The following LY6D variants were observed in gnomAD, a reference collection of about 807,000 sequenced individuals.
LY6D encodes lymphocyte antigen 6 family member D, also known as lymphocyte antigen 6D.
A neutral mutation model predicts 5.6 loss-of-function variants in LY6D; 7 were observed. The ratio of observed to expected loss-of-function variants is 1.24; its 90% CI spans 0.71 to 2.34. The LOEUF is 2.34. Ranked by LOEUF, LY6D falls within the 30% of genes most tolerant of loss-of-function variation. The pLI, the probability that LY6D is intolerant of heterozygous loss-of-function variation, is 0.00. For synonymous variants in LY6D, 81 were observed against 75.0 expected, an observed-to-expected ratio of 1.08 and a Z score of -0.41; for missense variants, 148 against 164.8, an observed-to-expected ratio of 0.90 and a Z score of 0.56.
At chr8:142,786,005 G>C in intron 1 of LY6D, 2 of 1,274,356 alleles carry the variant, frequency 1.6e-6, no homozygotes, top group Non-Finnish European at 2.0e-6. Context: ...CCCCACCCCA[G>C]GGGATGTCCC....
At position 142,785,303 on chromosome 8, in the gene LY6D, G is replaced by T; in HGVS notation, c.305C>A (p.Thr102Asn). ...GGCACTGTGGGCGAGGGCGGTGCGG[G>T]TGGGTGCAGCGTTGTGCAGCTTCTC... ...CNEKLHNAAP[T>N]RTALAHSALS... is the part of the protein sequence containing the mutation. The change falls in exon 3 of 3, where the codon ACC (threonine) becomes AAC (asparagine). Residue 102 changes from threonine to asparagine, a missense_variant. Physicochemically the swap from Thr to Asn is moderately conservative, Grantham distance 65. Transcript: ENST00000301263. 1.2e-6 allele frequency: 2 copies of T among 1,613,656 alleles called. No homozygotes were observed. Among genetic ancestry groups the T allele is most frequent in the Admixed American group, 3.3e-5 (2 of 59,998 alleles).
intron 1 of LY6D, chr8:142,786,079 G>A: frequency 2.5e-6 from 3 of 1,193,364 alleles, no homozygotes; most frequent in Non-Finnish European, 1.0e-6. Context: ...AGCCAGCTTG[G>A]CTGCTCTGAG....
At chr8:142,785,531 C>T in intron 2 of LY6D, 58 bp downstream of exon 2, 4 of 1,603,040 alleles carry the variant, frequency 2.5e-6, no homozygotes, top group Non-Finnish European at 3.4e-6. Flanking sequence ...CCAGCCAACA[C>T]CCACAACAGC....
chr8:142,786,411 G>A, intron 1 of LY6D, 54 bp downstream of exon 1: 1 of 1,512,076 alleles, frequency 6.6e-7, no homozygotes, highest in Non-Finnish European at 8.9e-7. Context: ...AGTATTTGGT[G>A]ACCACACAGG....
Position 142,785,244 on chromosome 8 carries a change from C to T in LY6D, c.364G>A (p.Val122Ile), listed in dbSNP as rs201744193. ...GGTCACAGGCTGGGGGCTAAGATGA[C>T]GGCCAGGAGGCTCAGGGCCAGCCCC... Reference protein sequence around the residue: ...SLGLALSLLAVILAPSL With the variant: ...SLGLALSLLAIILAPSL Residue 122 changes from valine (V) to isoleucine (I), a missense_variant, in exon 3 of 3, where the codon GTC (valine) becomes ATC (isoleucine). By Grantham distance (29) the Val-to-Ile change is conservative. Transcript: ENST00000301263. The T allele has an allele frequency of 8.1e-5, 130 of 1,607,578 alleles. No individual in the cohort carries two copies. Among genetic ancestry groups the T allele is most frequent in the Non-Finnish European group, 9.6e-5 (113 of 1,175,646 alleles).
rs1019603089 is a variant in LY6D at position 142,784,983 on chromosome 8, C to G, written c.*238G>C. 1 of 535,716 alleles carries G rather than the reference C, an allele frequency of 1.9e-6. No individual in the cohort carries two copies. Among genetic ancestry groups the G allele is most frequent in the Non-Finnish European group, 3.3e-6 (1 of 301,160 alleles). The allele number at this position is 535,716 out of a possible 1,614,324, so 33.2% of individuals were successfully genotyped here. ...TCCGGGGATCCACAGGGCTTCTGTC[C>G]TCCACCTTCCATGCAGCTGGGGGCT... is the stretch of plus-strand genomic sequence containing the variant. On this transcript the variant is annotated 3_prime_UTR_variant, in exon 3 of 3. Transcript: ENST00000301263.
At position 142,785,585 on chromosome 8, in the gene LY6D, C is replaced by T. The variant is rs1563844378; in HGVS notation, c.151+4G>A. Reference sequence around the variant, plus strand: ...CCAGGGACACCTGGACAGATGCTACCCACCTGTGTTCGTGGTCTTGCAGAA... The same window carrying T: ...CCAGGGACACCTGGACAGATGCTACTCACCTGTGTTCGTGGTCTTGCAGAA... On this transcript the variant is annotated splice_donor_region_variant and intron_variant, in intron 2 of 2. Transcript: ENST00000301263. The T allele has an allele frequency of 6.2e-7, 1 of 1,613,406 alleles. No individual in the cohort carries two copies. The highest frequency in any genetic ancestry group is 1.7e-5 in the Admixed American group (1 of 60,024).
Position 142,785,648 on chromosome 8 carries a change from T to C in LY6D, c.92A>G (p.Asn31Ser). 1.2e-6 allele frequency: 2 copies of C among 1,613,688 alleles called. No individual in the cohort carries two copies. Among genetic ancestry groups the C allele is most frequent in the South Asian group, 2.2e-5 (2 of 91,076 alleles). ...LRCHVCTSSS[N>S]CKHSVVCPAS... The stretch of plus-strand genomic sequence containing the variant: ...CGGGCAGACCACAGAATGCTTGCAG[T>C]TGCTGGAGCTGGTGCACACGTGGCA... Residue 31 changes from asparagine (N) to serine (S), a missense_variant, in exon 2 of 3, where the codon AAC becomes AGC. By Grantham distance (46) the Asn-to-Ser change is conservative (BLOSUM62 1). Transcript: ENST00000301263.
At chr8:142,786,430 G>GCCCCCCCCCCCC in intron 1 of LY6D, 35 bp downstream of exon 1, 3 of 1,434,858 alleles carry the variant, frequency 2.1e-6, no homozygotes, top group Non-Finnish European at 1.9e-6. Flanking sequence ...GGCCACAGCC[G>GCCCCCCCCCCCC]CCCACCCGCC....
rs1320226835 is a variant in LY6D at position 142,786,524 on chromosome 8, G to A, written c.-8C>T. 22 of 1,515,188 alleles carry A rather than the reference G, an allele frequency of 1.5e-5. No individual in the cohort carries two copies. The highest frequency in any genetic ancestry group is 1.9e-5 in the Non-Finnish European group (21 of 1,123,168). The allele number at this position is 1,515,188 out of a possible 1,614,324, so 93.9% of individuals were successfully genotyped here. On this transcript the variant is annotated 5_prime_UTR_variant, in exon 1 of 3. Transcript: ENST00000301263. ...CAGCAATGCTGTCCTCATCTCTGAT[G>A]TCGTCTGGGAGCAGTGCGGGCCCCT...
Position 142,785,654 on chromosome 8 carries a change from G to A in LY6D, c.86C>T (p.Ser29Phe). Residue 29 changes from serine (S) to phenylalanine (F), a missense_variant, in exon 2 of 3, where the codon TCC becomes TTC. By Grantham distance (155) the Ser-to-Phe change is radical. Transcript: ENST00000301263. ...LTLRCHVCTS[S>F]SNCKHSVVCP... The stretch of plus-strand genomic sequence containing the variant: ...GACCACAGAATGCTTGCAGTTGCTG[G>A]AGCTGGTGCACACGTGGCAGCGCAG... The A allele has an allele frequency of 6.2e-7, 1 of 1,613,724 alleles. No individual in the cohort carries two copies. The highest frequency in any genetic ancestry group is 8.5e-7 in the Non-Finnish European group (1 of 1,180,016).
chr8:142,786,426 A>G (rs1815656107), intron 1 of LY6D, 39 bp downstream of exon 1: 1 of 1,515,064 alleles, frequency 6.6e-7, no homozygotes, highest in Non-Finnish European at 8.9e-7. Context: ...CACAGGCCAC[A>G]GCCGCCCACC....
chr8:142,786,035 T>C, intron 1 of LY6D: 1 of 1,207,266 alleles, frequency 8.3e-7, no homozygotes, highest in East Asian at 4.3e-5. Flanking sequence ...TGGCTATGTT[T>C]CTGAGGGCCT....
chr8:142,785,021 G>T lies in LY6D; in HGVS notation c.*200C>A. On this transcript the variant is annotated 3_prime_UTR_variant, in exon 3 of 3. Transcript: ENST00000301263. ...GCAGCTGGGGGCTGCATCCTCTGTG[G>T]GGTGGCTTCATCCTCTGTGGGGTCT... 1 of 575,062 alleles carries T rather than the reference G, an allele frequency of 1.7e-6. No homozygotes were observed. Among genetic ancestry groups the T allele is most frequent in the Non-Finnish European group, 3.1e-6 (1 of 322,754 alleles). 35.6% of individuals were successfully genotyped at this position (575,062 alleles called of 1,614,324 possible).
rs776190262 is a variant in LY6D, at chr8:142,785,424, CCTT to C, written c.181_183del (p.Lys61del). The C allele has an allele frequency of 1.5e-5, 24 of 1,613,084 alleles. No homozygotes were observed. The Middle Eastern group carries it at 4.9e-4, about 33-fold the overall frequency. On this transcript the variant is annotated inframe_deletion, in exon 3 of 3. Transcript: ENST00000301263. ...CTGGGTGTGCACGACTCCGCACAGT[CCTT>C]CTTCACCAGATTCCCCCTCAGAGGC... is the stretch of plus-strand genomic sequence containing the variant.
chr8:142,786,430 G>GGGCCCCCC, intron 1 of LY6D, 35 bp downstream of exon 1: 2 of 1,434,806 alleles, frequency 1.4e-6, no homozygotes, highest in Non-Finnish European at 9.4e-7. Context: ...GGCCACAGCC[G>GGGCCCCCC]CCCACCCGCC....
In LY6D at chr8:142,785,150, TG is replaced by T; in HGVS notation, c.*70del. 3 of 1,269,124 alleles carry T rather than the reference TG, an allele frequency of 2.4e-6. No individual in the cohort carries two copies. The highest frequency in any genetic ancestry group is 1.5e-5 in the African/African-American group (1 of 67,366). 78.6% of individuals were successfully genotyped at this position (1,269,124 alleles called of 1,614,324 possible). On this transcript the variant is annotated 3_prime_UTR_variant, in exon 3 of 3. Transcript: ENST00000301263. Reference sequence around the variant, plus strand: ...GGGCTCCTGGCACCCCCGTTGCGGCTGGGGAAGAGAGGTGTGGAATCCCCAG... The same window carrying T: ...GGGCTCCTGGCACCCCCGTTGCGGCTGGGAAGAGAGGTGTGGAATCCCCAG...
At position 142,785,218 on chromosome 8, in the gene LY6D, A is replaced by C; in HGVS notation, c.*3T>G. ...GCATGAGGGGCCTTCCCTGGGGGGA[A>C]GGTCACAGGCTGGGGGCTAAGATGA... On this transcript the variant is annotated 3_prime_UTR_variant, in exon 3 of 3. Coordinates refer to ENST00000301263, the MANE Select transcript of LY6D (RefSeq NM_003695.3). 6.3e-7 allele frequency: 1 copy of C among 1,594,436 alleles called. No individual in the cohort carries two copies. Among genetic ancestry groups the C allele is most frequent in the Non-Finnish European group, 8.6e-7 (1 of 1,165,380 alleles).
intron 1 of LY6D, 35 bp downstream of exon 1, chr8:142,786,430 G>GGCCCCCCCCCCCTC: frequency 7.0e-7 from 1 of 1,434,854 alleles, no homozygotes; most frequent in Non-Finnish European, 9.4e-7. Context: ...GGCCACAGCC[G>GGCCCCCCCCCCCTC]CCCACCCGCC....
Sources: allele counts gnomAD v4.1 joint callset, GRCh38; gene constraint gnomAD v4.1.1; transcripts MANE v1.5; gene names NCBI Gene and HGNC (gene_info 2026-07-23, HGNC 2026-07-21).